Variants in MLANA observed in about 807,000 individuals in gnomAD.
MLANA encodes the protein melan-A.
Under a neutral mutation model 15.7 loss-of-function variants are expected in MLANA, and 21 were observed. That is an observed-to-expected ratio of 1.33 (90% confidence interval 0.95 to 1.92). MLANA has a LOEUF of 1.92. Ranked by LOEUF, MLANA falls within the 40% of genes most tolerant of loss-of-function variation. The probability of loss-of-function intolerance (pLI) is 0.00; values close to 1 mark genes in which losing one functional copy is unlikely to be tolerated. For missense variants in MLANA, 164 were observed against 143.8 expected, an observed-to-expected ratio of 1.14 and a Z score of -0.72; for synonymous variants, 56 against 51.5, an observed-to-expected ratio of 1.09 and a Z score of -0.37.
chr9:5,907,198 GGAAGTACA>G, intron 4 of MLANA, 200 bp downstream of exon 4: 1 of 346,260 alleles, frequency 2.9e-6, no homozygotes, highest in Non-Finnish European at 5.1e-6. Context: ...AAAAAACAAG[GGAAGTACA>G]GATATTTTCT....
intron 3 of MLANA, among the ~76,000 whole-genome samples, chr9:5,900,695 T>G (rs2129946209): frequency 6.6e-6 from 1 of 152,320 alleles, no homozygotes; most frequent in East Asian, 1.9e-4. Flanking sequence ...CTCTTAAAAT[T>G]TCTCCCTTGG....
At chr9:5,892,424 T>C in intron 1 of MLANA, 26 bp from the exon 2 acceptor site, 1 of 1,563,170 alleles carries the variant, frequency 6.4e-7, no homozygotes, top group Non-Finnish European at 8.7e-7. Flanking sequence ...GATGCATTAA[T>C]GATGCCCACA....
In MLANA at chr9:5,910,559, G is replaced by A. The variant is rs1203262786; in HGVS notation, c.*1851G>A. 6.6e-6 allele frequency: 1 copy of A among 152,132 alleles called. No individual in the cohort carries two copies. Among genetic ancestry groups the A allele is most frequent in the Non-Finnish European group, 1.5e-5 (1 of 68,056 alleles). The allele number at this position is 152,132 out of a possible 1,614,324, so 9.4% of individuals were successfully genotyped here. Reference sequence around the variant, plus strand: ...CTGCTGAACCTCAATCCTGTACACTGAGGAACCTGTGGCTTGAACCCTACA... The same window carrying A: ...CTGCTGAACCTCAATCCTGTACACTAAGGAACCTGTGGCTTGAACCCTACA... On this transcript the variant is annotated 3_prime_UTR_variant, in exon 5 of 5. Transcript: ENST00000381477.
intron 3 of MLANA, 112 bp from the exon 4 acceptor site, chr9:5,906,773 G>C: frequency 3.2e-6 from 2 of 634,690 alleles, no homozygotes; most frequent in Non-Finnish European, 5.4e-6. Flanking sequence ...CAGCAAGTAA[G>C]TGGCAGAACC....
chr9:5,905,063 G>C (rs191870972), intron 3 of MLANA, among the ~76,000 whole-genome samples: 5 of 152,262 alleles, frequency 3.3e-5, no homozygotes, highest in African/African-American at 9.6e-5. Flanking sequence ...GTGAGCCACC[G>C]TGCCCGGCCT....
chr9:5,906,367 A>T (rs1832815853), intron 3 of MLANA, among the ~76,000 whole-genome samples: 1 of 151,628 alleles, frequency 6.6e-6, no homozygotes, highest in South Asian at 2.1e-4. Flanking sequence ...AGAAAAAAAA[A>T]GTTTTTATTT....
Position 5,894,953 on chromosome 9 carries a change from A to T in MLANA, c.77+2402A>T, listed in dbSNP as rs1831912188. Among the ~76,000 whole-genome samples the T allele has an allele frequency of 6.6e-6, 1 of 152,170 alleles. No individual in the cohort carries two copies. On this transcript the variant is annotated intron_variant, in intron 2 of 4. Transcript: ENST00000381477. This position sits in a 1 kb window ranked among gnomAD's most constrained non-coding sequence, Gnocchi z 4.0. ...GAAGGAACCCCTTGACTGAAGGCAC[A>T]AGCTTTCTGTGTCTTGCAACCTGAA... is the stretch of plus-strand genomic sequence containing the variant.
rs1832116510 is a variant in MLANA, at chr9:5,897,596, C to G, written c.117C>G (p.Val39=). Residue 39 remains valine, a synonymous_variant, in exon 3 of 5, where the codon GTC becomes GTG. Coordinates refer to ENST00000381477, the MANE Select transcript of MLANA (RefSeq NM_005511.2). ...GIGILTVILG[V]LLLIGCWYCR... ...GCATCCTGACAGTGATCCTGGGAGTCTTACTGCTCATCGGCTGTTGGTATT... is the reference window on the plus strand; with the variant it reads ...GCATCCTGACAGTGATCCTGGGAGTGTTACTGCTCATCGGCTGTTGGTATT... 6.2e-7 allele frequency: 1 copy of G among 1,614,052 alleles called. No homozygotes were observed. The highest frequency in any genetic ancestry group is 8.5e-7 in the Non-Finnish European group (1 of 1,179,972).
chr9:5,902,857 G>A (rs1832536320), intron 3 of MLANA, among the ~76,000 whole-genome samples: 1 of 151,674 alleles, frequency 6.6e-6, no homozygotes. Flanking sequence ...TTATTTTTCC[G>A]CTTACTTTGG....
chr9:5,908,872 T>G lies in MLANA; in HGVS notation c.*164T>G. 1 of 604,638 alleles carries G rather than the reference T, an allele frequency of 1.7e-6. No homozygotes were observed. The highest frequency in any genetic ancestry group is 2.9e-6 in the Non-Finnish European group (1 of 341,772). 37.5% of individuals were successfully genotyped at this position (604,638 alleles called of 1,614,324 possible). Reference sequence around the variant, plus strand: ...ATTTTAGTAGGTCCGCTAGCAGTACTAATCATGTGAGGAAATGATGAGAAA... The same window carrying G: ...ATTTTAGTAGGTCCGCTAGCAGTACGAATCATGTGAGGAAATGATGAGAAA... On this transcript the variant is annotated 3_prime_UTR_variant, in exon 5 of 5. Coordinates refer to ENST00000381477, the MANE Select transcript of MLANA (RefSeq NM_005511.2).
In MLANA at chr9:5,903,745, T is replaced by C. The variant is rs1302157096; in HGVS notation, c.175-3140T>C. 5.3e-5 allele frequency among the ~76,000 whole-genome samples: 8 copies of C among 152,364 alleles called. No homozygotes were observed. In the East Asian group the frequency reaches 1.5e-3, roughly 29 times the overall value. The stretch of plus-strand genomic sequence containing the variant: ...TGGAGAATGAACACCTTTATCGTTA[T>C]GTAATATCCCTCTTTATCCCTGATA... On this transcript the variant is annotated intron_variant, in intron 3 of 4. Coordinates refer to ENST00000381477, the MANE Select transcript of MLANA (RefSeq NM_005511.2).
chr9:5,907,125 C>A, intron 4 of MLANA, 127 bp downstream of exon 4: 1 of 497,156 alleles, frequency 2.0e-6, no homozygotes, highest in Non-Finnish European at 3.3e-6. Context: ...CTATATACAC[C>A]TAAAAATGGT....
chr9:5,897,452 T>A, intron 2 of MLANA, 105 bp from the exon 3 acceptor site: 1 of 1,024,028 alleles, frequency 9.8e-7, no homozygotes, highest in Non-Finnish European at 1.5e-6. Flanking sequence ...GAGATGCTGC[T>A]CTGGGTCGTC....
At chr9:5,893,040 C>T (rs1398840932) in intron 2 of MLANA, among the ~76,000 whole-genome samples, 2 of 152,106 alleles carry the variant, frequency 1.3e-5, no homozygotes, top group Non-Finnish European at 1.5e-5. Context: ...ATAACTTTAT[C>T]CTAAGGAAAG....
chr9:5,906,986 C>T lies in MLANA; in HGVS notation c.276C>T (p.Asn92=), dbSNP rs764715494. 2 of 1,592,868 alleles carry T rather than the reference C, an allele frequency of 1.3e-6. No homozygotes were observed. Among genetic ancestry groups the T allele is most frequent in the African/African-American group, 2.7e-5 (2 of 73,572 alleles). Residue 92 remains asparagine (N), a synonymous_variant, in exon 4 of 5, where the codon AAC becomes AAT. Transcript: ENST00000381477. ...GCAAAGTGTCTCTTCAAGAGAAAAA[C>T]TGTGAACCTGTGGTAGGTTAAGATC... is the stretch of plus-strand genomic sequence containing the variant. ...RDSKVSLQEK[N]CEPVVPNAPP...
intron 3 of MLANA, among the ~76,000 whole-genome samples, chr9:5,905,009 G>A (rs1005035254): frequency 7.9e-5 from 12 of 151,830 alleles, no homozygotes; most frequent in Admixed American, 1.3e-4. Context: ...TCCTGACCTC[G>A]TGATCCACAC....
rs140942317 is a variant in MLANA at position 5,908,647 on chromosome 9, A to G, written c.296A>G (p.Asn99Ser). ...CCTTTCTTGTTCTCACAGGTTCCCA[A>G]TGCTCCACCTGCTTATGAGAAACTC... ...QEKNCEPVVPNAPPAYEKLSA... is the reference protein window; with the variant it reads ...QEKNCEPVVPSAPPAYEKLSA... The change falls in exon 5 of 5, where the codon AAT becomes AGT. Residue 99 changes from asparagine (N) to serine (S), a missense_variant. By Grantham distance (46) the Asn-to-Ser change is conservative. Coordinates refer to ENST00000381477, the MANE Select transcript of MLANA (RefSeq NM_005511.2). 397 of 1,614,054 alleles carry G rather than the reference A, an allele frequency of 2.5e-4. No homozygotes were observed. The highest frequency in any genetic ancestry group is 5.5e-4 in the Admixed American group (33 of 60,016).
In MLANA at chr9:5,905,069, G is replaced by A. The variant is rs552769141; in HGVS notation, c.175-1816G>A. On this transcript the variant is annotated intron_variant, in intron 3 of 4. Transcript: ENST00000381477. Reference sequence around the variant, plus strand: ...ATTACAGGTGTGAGCCACCGTGCCCGGCCTTATACTTCTTTTTTACTTTTT... The same window carrying A: ...ATTACAGGTGTGAGCCACCGTGCCCAGCCTTATACTTCTTTTTTACTTTTT... Among the ~76,000 whole-genome samples the A allele has an allele frequency of 3.9e-5, 6 of 152,214 alleles. No individual in the cohort carries two copies. In the South Asian group the frequency reaches 6.2e-4, roughly 16 times the overall value.
rs567299283 is a variant in MLANA at position 5,894,067 on chromosome 9, T to C, written c.77+1516T>C. On this transcript the variant is annotated intron_variant, in intron 2 of 4. Coordinates refer to ENST00000381477, the MANE Select transcript of MLANA (RefSeq NM_005511.2). This position sits in a 1 kb window ranked among gnomAD's most constrained non-coding sequence, Gnocchi z 4.0. Reference sequence around the variant, plus strand: ...CCAGAGTCCATGCTCTTAAGTGTTATGCTGCAGGCCAGCAGAGGCAAATAT... The same window carrying C: ...CCAGAGTCCATGCTCTTAAGTGTTACGCTGCAGGCCAGCAGAGGCAAATAT... 4.3e-4 allele frequency among the ~76,000 whole-genome samples: 65 copies of C among 152,276 alleles called. 1 individual carries two copies. In the South Asian group the frequency reaches 0.013, roughly 31 times the overall value.
Sources: gnomAD v4.1 joint callset for allele counts (sites outside exome capture counted in the v4.1 genomes callset) on GRCh38, gnomAD v4.1.1 for gene constraint, Gnocchi (gnomAD v3.1) non-coding constraint, MANE v1.5 for transcripts, NCBI Gene and HGNC (gene_info 2026-07-23, HGNC 2026-07-21) for gene names.